The following AUTS2 variants were observed in gnomAD, a reference collection of about 807,000 sequenced individuals.
AUTS2 encodes autism susceptibility gene 2 protein.
A neutral mutation model predicts 112.4 loss-of-function variants in AUTS2; 17 were observed. That is an observed-to-expected ratio of 0.15 (90% CI 0.10 to 0.23). AUTS2 has a LOEUF of 0.23. Ranked by LOEUF, AUTS2 falls within the 10% of genes least tolerant of loss-of-function variation. AUTS2 has a pLI of 1.00. For synonymous variants in AUTS2, 751 were observed against 702.7 expected (o/e 1.07, Z -1.09); for missense variants, 1,510 against 1,701.6 (o/e 0.89, Z 1.98).
intron 4 of AUTS2, among the ~76,000 whole-genome samples, chr7:70,231,756 TTTTGTTTG>T (rs145126703): frequency 3.3e-4 from 44 of 135,316 alleles, no homozygotes; most frequent in Admixed American, 1.0e-3. Flanking sequence ...TATGAGGTTT[TTTTGTTTG>T]TTTGTTTGTT....
intron 2 of AUTS2, among the ~76,000 whole-genome samples, chr7:70,007,563 A>C (rs1799601357): frequency 6.6e-6 from 1 of 152,190 alleles, no homozygotes; most frequent in South Asian, 2.1e-4. Context: ...TGTGATAGTC[A>C]CTATGGTACG....
intron 1 of AUTS2, among the ~76,000 whole-genome samples, chr7:69,742,124 T>C (rs941597213): frequency 6.6e-6 from 1 of 151,660 alleles, no homozygotes; most frequent in African/African-American, 2.4e-5. Context: ...TTTTTTTTTT[T>C]TTTTTTGAGG....
intron 5 of AUTS2, among the ~76,000 whole-genome samples, chr7:70,475,166 G>A (rs1797536363): frequency 6.6e-6 from 1 of 152,242 alleles, no homozygotes; most frequent in African/African-American, 2.4e-5. Flanking sequence ...GCTAGAGACA[G>A]CTCATTCTGA....
At chr7:70,592,633 G>C (rs117018840) in intron 5 of AUTS2, among the ~76,000 whole-genome samples, 258 of 152,184 alleles carry the variant, frequency 1.7e-3, no homozygotes, top group Middle Eastern at 0.01. Flanking sequence ...GAAGTGCTGG[G>C]ATTACAGGCA....
intron 1 of AUTS2, among the ~76,000 whole-genome samples, chr7:69,608,049 C>T (rs1792824327): frequency 6.6e-6 from 1 of 152,098 alleles, no homozygotes; most frequent in Non-Finnish European, 1.5e-5. Flanking sequence ...GATCTTCCCA[C>T]CTCACCCTCC....
intron 1 of AUTS2, among the ~76,000 whole-genome samples, chr7:69,673,151 AT>A (rs972114122): frequency 1.3e-5 from 2 of 152,018 alleles, no homozygotes; most frequent in Non-Finnish European, 2.9e-5. Flanking sequence ...ACTTAAAAAA[AT>A]TTTTTTTGGA....
intron 4 of AUTS2, among the ~76,000 whole-genome samples, chr7:70,345,573 C>G (rs1004264299): frequency 5.9e-5 from 9 of 152,166 alleles, no homozygotes; most frequent in African/African-American, 1.7e-4. Flanking sequence ...CCTTGATTCC[C>G]TTGAGCCATT....
At chr7:70,596,249 A>G (rs34793297) in intron 5 of AUTS2, 14,624 of 152,242 alleles carry the variant, frequency 0.096, 1,157 homozygotes, top group African/African-American at 0.22. Context: ...CTCGCGTCTG[A>G]TCGCCGCCCG....
At chr7:70,086,595 C>G (rs914438316) in intron 2 of AUTS2, among the ~76,000 whole-genome samples, 2 of 146,442 alleles carry the variant, frequency 1.4e-5, no homozygotes, top group African/African-American at 5.1e-5. Flanking sequence ...GAGCTGAGAT[C>G]GCGCCACTGG....
At chr7:70,264,908 G>T (rs984091273) in intron 4 of AUTS2, among the ~76,000 whole-genome samples, 1 of 152,148 alleles carries the variant, frequency 6.6e-6, no homozygotes, top group Non-Finnish European at 1.5e-5. Flanking sequence ...TCTTTTATAA[G>T]TTTGATTGTG....
At chr7:69,698,942 T>C (rs540052638) in intron 1 of AUTS2, among the ~76,000 whole-genome samples, 6 of 152,320 alleles carry the variant, frequency 3.9e-5, no homozygotes, top group African/African-American at 1.4e-4. Context: ...CCCAATGTCA[T>C]ATATAACTTT....
At chr7:70,404,184 T>C (rs1176476790) in intron 4 of AUTS2, among the ~76,000 whole-genome samples, 2 of 152,164 alleles carry the variant, frequency 1.3e-5, no homozygotes, top group Admixed American at 6.5e-5. Context: ...TGGAGGTGAC[T>C]GGAATTCATT....
chr7:70,786,473 C>CA (rs1442775301), intron 17 of AUTS2, among the ~76,000 whole-genome samples: 1 of 150,300 alleles, frequency 6.7e-6, no homozygotes, highest in Non-Finnish European at 1.5e-5. Flanking sequence ...GCTGCGACAC[C>CA]ACCAGGCTTG....
At chr7:69,724,539 C>T (rs1224150909) in intron 1 of AUTS2, among the ~76,000 whole-genome samples, 2 of 152,112 alleles carry the variant, frequency 1.3e-5, no homozygotes, top group Non-Finnish European at 2.9e-5. Flanking sequence ...GAAAACACTG[C>T]ACTTTTAACG....
chr7:70,742,010 G>A (rs958589442), intron 6 of AUTS2, among the ~76,000 whole-genome samples: 7 of 152,340 alleles, frequency 4.6e-5, no homozygotes, highest in African/African-American at 1.7e-4. Context: ...AGACAAAATT[G>A]CACCTAAGCA....
chr7:70,707,101 T>C (rs1324188258), intron 6 of AUTS2, among the ~76,000 whole-genome samples: 1 of 152,248 alleles, frequency 6.6e-6, no homozygotes, highest in Non-Finnish European at 1.5e-5. Flanking sequence ...AGAAAGTGCT[T>C]AGCCTACCTT....
chr7:69,854,899 A>G (rs1383934176), intron 1 of AUTS2, among the ~76,000 whole-genome samples: 1 of 152,188 alleles, frequency 6.6e-6, no homozygotes, highest in Non-Finnish European at 1.5e-5. Context: ...CTATTTCTAG[A>G]GTGTAGTCCA....
chr7:70,711,727 G>C (rs552595492), intron 6 of AUTS2, among the ~76,000 whole-genome samples: 9 of 152,206 alleles, frequency 5.9e-5, no homozygotes, highest in Non-Finnish European at 1.2e-4. Context: ...ACAAGCGGCT[G>C]TCATTTCCAT....
At chr7:70,719,619 A>G (rs990600508) in intron 6 of AUTS2, among the ~76,000 whole-genome samples, 4 of 151,990 alleles carry the variant, frequency 2.6e-5, no homozygotes, top group African/African-American at 9.7e-5. Flanking sequence ...TCCTGCCACC[A>G]TGCCCAGCTA....
Sources: allele counts gnomAD v4.1 joint callset (sites outside exome capture counted in the v4.1 genomes callset), GRCh38; gene constraint gnomAD v4.1.1; transcripts MANE v1.5; gene names NCBI Gene and HGNC (gene_info 2026-07-23, HGNC 2026-07-21).